The following ADGRG6 variants were observed in gnomAD, a reference collection of about 807,000 sequenced individuals.
ADGRG6 encodes the protein G-protein coupled receptor 126.
ADGRG6 carries 84 observed loss-of-function variants against 142.4 expected under a neutral mutation model. That is an observed-to-expected ratio of 0.59 (90% CI 0.49 to 0.71). The LOEUF (loss-of-function observed/expected upper bound fraction) is 0.71. Ranked by LOEUF, ADGRG6 falls within the 30% of genes least tolerant of loss-of-function variation. The pLI, the probability that ADGRG6 is intolerant of heterozygous loss-of-function variation, is 0.00. For missense variants in ADGRG6, 1,367 were observed against 1,466.6 expected (o/e 0.93, Z 1.11); for synonymous variants, 521 against 520.5 (o/e 1.00, Z -0.01).
chr6:142,341,643 T>A (rs1779663217), intron 2 of ADGRG6, among the ~76,000 whole-genome samples: 1 of 132,612 alleles, frequency 7.5e-6, no homozygotes, highest in South Asian at 2.1e-4. Flanking sequence ...ATAATATATA[T>A]AATATATACT....
chr6:142,344,521 G>A (rs1258660942), intron 2 of ADGRG6, among the ~76,000 whole-genome samples: 1 of 151,854 alleles, frequency 6.6e-6, no homozygotes, highest in Non-Finnish European at 1.5e-5. Flanking sequence ...AACATTTAAA[G>A]GCTTCTGATT....
chr6:142,302,668 C>G, intron 1 of ADGRG6: 2 of 346,558 alleles, frequency 5.8e-6, no homozygotes, highest in Non-Finnish European at 1.0e-5. Context: ...GTAACAGGCA[C>G]CGCTCCTCAG....
chr6:142,368,151 T>A (rs1020044579), intron 3 of ADGRG6, among the ~76,000 whole-genome samples: 3 of 152,196 alleles, frequency 2.0e-5, no homozygotes, highest in Non-Finnish European at 4.4e-5. Flanking sequence ...TGTGGAACAT[T>A]TAAAGGCTGC....
intron 2 of ADGRG6, among the ~76,000 whole-genome samples, chr6:142,364,470 T>C (rs561153762): frequency 6.6e-6 from 1 of 152,318 alleles, no homozygotes; most frequent in African/African-American, 2.4e-5. Context: ...ATTTTACCTC[T>C]CTTAAAATTT....
intron 2 of ADGRG6, among the ~76,000 whole-genome samples, chr6:142,313,187 GC>G (rs1438875570): frequency 1.3e-5 from 2 of 151,818 alleles, no homozygotes; most frequent in Non-Finnish European, 2.9e-5. Context: ...TTTAAAAAAA[GC>G]CACATAAAAA....
chr6:142,312,069 A>G (rs966264275), intron 2 of ADGRG6, among the ~76,000 whole-genome samples: 2 of 151,898 alleles, frequency 1.3e-5, no homozygotes, highest in African/African-American at 4.8e-5. Context: ...CTATCCCTCA[A>G]TTCAAAGGAG....
At chr6:142,435,759 GA>G (rs1777455568) in intron 22 of ADGRG6, among the ~76,000 whole-genome samples, 1 of 152,164 alleles carries the variant, frequency 6.6e-6, no homozygotes, top group Non-Finnish European at 1.5e-5. Context: ...AGGAATACAA[GA>G]ATGTTAGATA....
At chr6:142,396,219 A>G (rs1367334105) in intron 9 of ADGRG6, among the ~76,000 whole-genome samples, 1 of 152,216 alleles carries the variant, frequency 6.6e-6, no homozygotes, top group East Asian at 1.9e-4. Flanking sequence ...TCTTTAAACA[A>G]TGACTTAATC....
Position 142,444,114 on chromosome 6 carries a change from C to T in ADGRG6, c.*599C>T, listed in dbSNP as rs2115232434. The stretch of plus-strand genomic sequence containing the variant: ...ATTACACCTTCAGAACCATAACATG[C>T]TTAAGAAAACTTTCCCAAAATGTTG... On this transcript the variant is annotated 3_prime_UTR_variant, in exon 25 of 25. Transcript: ENST00000367609. 1 of 152,258 alleles carries T rather than the reference C, an allele frequency of 6.6e-6. No individual in the cohort carries two copies. The highest frequency in any genetic ancestry group is 3.4e-3 in the Middle Eastern group (1 of 294). 9.4% of individuals were successfully genotyped at this position (152,258 alleles called of 1,614,324 possible). A position where few individuals can be genotyped will look rare whatever the true frequency, so the allele number is the denominator to read the frequency against.
rs1230187981 is a variant in ADGRG6, at chr6:142,329,099, G to T, written c.103+19455G>T. Among the ~76,000 whole-genome samples, 3 of 152,084 alleles carry T rather than the reference G, an allele frequency of 2.0e-5. No homozygotes were observed. In the East Asian group the frequency reaches 5.8e-4, roughly 29 times the overall value. On this transcript the variant is annotated intron_variant, in intron 2 of 24. Transcript: ENST00000367609. ...TACTTCTCTGTGAAATGCAGTCATG[G>T]TACTTCCTGCCTTCTGAGGTCTTTG... is the stretch of plus-strand genomic sequence containing the variant.
At chr6:142,417,854 G>T (rs1292129217) in intron 21 of ADGRG6, among the ~76,000 whole-genome samples, 1 of 152,046 alleles carries the variant, frequency 6.6e-6, no homozygotes, top group African/African-American at 2.4e-5. Context: ...TGTTCAGTTT[G>T]GGCAGTTACC....
chr6:142,346,802 AC>A (rs1779922185), intron 2 of ADGRG6, among the ~76,000 whole-genome samples: 1 of 142,118 alleles, frequency 7.0e-6, no homozygotes, highest in East Asian at 2.1e-4. Context: ...ACATGCTCTC[AC>A]TCGTAAGTGG....
intron 1 of ADGRG6, among the ~76,000 whole-genome samples, chr6:142,307,632 C>G (rs1163933336): frequency 6.6e-6 from 1 of 152,048 alleles, no homozygotes; most frequent in Non-Finnish European, 1.5e-5. Context: ...ACTTGCCCTA[C>G]AAACCACACA....
intron 4 of ADGRG6, among the ~76,000 whole-genome samples, chr6:142,378,684 CTCT>C (rs1241082227): frequency 6.6e-6 from 1 of 152,152 alleles, no homozygotes; most frequent in African/African-American, 2.4e-5. Flanking sequence ...GCCAAGCTTC[CTCT>C]TCTTGCATTC....
chr6:142,375,960 A>G (rs1255342495), intron 4 of ADGRG6, among the ~76,000 whole-genome samples: 1 of 152,124 alleles, frequency 6.6e-6, no homozygotes, highest in Non-Finnish European at 1.5e-5. Flanking sequence ...ATACTTTTCT[A>G]AAAAATATTT....
intron 2 of ADGRG6, among the ~76,000 whole-genome samples, chr6:142,327,586 G>C (rs73578327): frequency 0.032 from 4,908 of 151,826 alleles, 275 homozygotes; most frequent in African/African-American, 0.11. Context: ...GCACCTGATG[G>C]CTTCTTACCT....
chr6:142,342,424 T>A (rs924498935), intron 2 of ADGRG6, among the ~76,000 whole-genome samples: 1 of 152,162 alleles, frequency 6.6e-6, no homozygotes, highest in Non-Finnish European at 1.5e-5. Flanking sequence ...ATGATTTTTA[T>A]TGTTCCATGG....
chr6:142,350,343 G>T (rs938462502), intron 2 of ADGRG6, among the ~76,000 whole-genome samples: 2 of 152,162 alleles, frequency 1.3e-5, no homozygotes, highest in African/African-American at 4.8e-5. Flanking sequence ...AAGTCAGTTG[G>T]TATCTCTGGC....
Position 142,402,718 on chromosome 6 carries a change from A to G in ADGRG6, c.1843A>G (p.Arg615Gly). Residue 615 changes from arginine (R) to glycine (G), a missense_variant, in exon 13 of 25, where the codon AGA becomes GGA. Transcript: ENST00000367609. ...NITNIVEQVK[R>G]IVNKEENIDI... is the part of the protein sequence containing the mutation. ...TACCAACATTGTGGAACAGGTCAAA[A>G]GAATTGTGAATAAAGAAGAAAACAT... is the stretch of plus-strand genomic sequence containing the variant. 3.1e-6 allele frequency: 5 copies of G among 1,602,648 alleles called. No individual in the cohort carries two copies. Among genetic ancestry groups the G allele is most frequent in the Non-Finnish European group, 4.3e-6 (5 of 1,170,044 alleles).
Sources: gnomAD v4.1 joint callset for allele counts (sites outside exome capture counted in the v4.1 genomes callset) on GRCh38, gnomAD v4.1.1 for gene constraint, MANE v1.5 for transcripts, NCBI Gene and HGNC (gene_info 2026-07-23, HGNC 2026-07-21) for gene names.